TBXAS1: variants seen among roughly 807,000 people sequenced by gnomAD.
TBXAS1 encodes the protein thromboxane-A synthase.
Under a neutral mutation model 60.7 loss-of-function variants are expected in TBXAS1, and 48 were observed. The observed-to-expected ratio is 0.79, with a 90% CI of 0.63 to 1.01. The LOEUF (loss-of-function observed/expected upper bound fraction) is 1.01, where lower values mean the gene tolerates loss of function less well. Among genes scored for constraint, TBXAS1 ranks in the 50% least tolerant of loss-of-function variants. TBXAS1 has a pLI of 0.00. For missense variants in TBXAS1, 685 were observed against 686.3 expected (o/e 1.00, Z 0.02); for synonymous variants, 287 against 269.7 (o/e 1.06, Z -0.63).
At chr7:139,879,452 A>G (rs76797443) in intron 3 of TBXAS1, among the ~76,000 whole-genome samples, 2,317 of 152,314 alleles carry the variant, frequency 0.015, 34 homozygotes, top group African/African-American at 0.033. Flanking sequence ...TTATTGCTTT[A>G]GATAACCTTC....
chr7:139,888,767 T>C (rs1295395192), intron 3 of TBXAS1, among the ~76,000 whole-genome samples: 6 of 152,030 alleles, frequency 3.9e-5, no homozygotes, highest in African/African-American at 1.2e-4. Flanking sequence ...AGAGGCCAAA[T>C]GTGTGCTAGG....
intron 5 of TBXAS1, among the ~76,000 whole-genome samples, chr7:139,951,256 T>G (rs569007009): frequency 1.3e-5 from 2 of 152,318 alleles, no homozygotes; most frequent in East Asian, 3.9e-4. Context: ...CTGCACTGTT[T>G]GTCTTCTAGA....
intron 4 of TBXAS1, among the ~76,000 whole-genome samples, chr7:139,931,936 A>G (rs975988967): frequency 6.6e-6 from 1 of 152,112 alleles, no homozygotes; most frequent in Non-Finnish European, 1.5e-5. Context: ...TCACTTTTGT[A>G]AGATGCGAAA....
chr7:139,848,910 A>C (rs903100439), intron 1 of TBXAS1, among the ~76,000 whole-genome samples: 3 of 152,220 alleles, frequency 2.0e-5, no homozygotes, highest in African/African-American at 7.2e-5. Flanking sequence ...TCATGCTCCA[A>C]GATTACACAG....
intron 5 of TBXAS1, among the ~76,000 whole-genome samples, chr7:139,940,186 T>G (rs17161279): frequency 0.011 from 1,699 of 152,286 alleles, 26 homozygotes; most frequent in African/African-American, 0.037. Context: ...TTTGAGGCTC[T>G]AAGCCATGGT....
chr7:139,954,286 T>C (rs1248704486), intron 6 of TBXAS1, among the ~76,000 whole-genome samples: 1 of 152,242 alleles, frequency 6.6e-6, no homozygotes, highest in Non-Finnish European at 1.5e-5. Context: ...AGTCTTTTCA[T>C]CCACATTGTC....
At chr7:140,012,756 C>T (rs1368642698) in intron 10 of TBXAS1, among the ~76,000 whole-genome samples, 4 of 152,158 alleles carry the variant, frequency 2.6e-5, no homozygotes, top group African/African-American at 9.7e-5. Context: ...ACCACACACC[C>T]GGCCATGACC....
chr7:139,902,399 A>G (rs1804653447), intron 3 of TBXAS1, among the ~76,000 whole-genome samples: 1 of 152,120 alleles, frequency 6.6e-6, no homozygotes, highest in South Asian at 2.1e-4. Flanking sequence ...TTCAGTCACA[A>G]AATTCCCTTG....
Position 140,015,784 on chromosome 7 carries a change from G to C in TBXAS1, c.1288G>C (p.Val430Leu). The stretch of plus-strand genomic sequence containing the variant: ...GGGGCAGCGCATCCCCGCAGGCGCT[G>C]TGCTAGAGATGGCCGTGGGTGCCCT... ...VLGQRIPAGA[V>L]LEMAVGALHH... Residue 430 changes from valine to leucine, a missense_variant, in exon 11 of 13, where the codon GTG becomes CTG. Physicochemically the swap from Val to Leu is conservative, Grantham distance 32. Transcript: ENST00000448866. 3 of 1,613,720 alleles carry C rather than the reference G, an allele frequency of 1.9e-6. No individual in the cohort carries two copies. Among genetic ancestry groups the C allele is most frequent in the Non-Finnish European group, 2.5e-6 (3 of 1,180,042 alleles).
intron 9 of TBXAS1, among the ~76,000 whole-genome samples, chr7:139,964,785 G>T (rs1040266953): frequency 6.6e-6 from 1 of 152,224 alleles, no homozygotes. Context: ...GGCCTGCAGG[G>T]CAGTAGAAGG....
chr7:139,910,826 C>T (rs545359002), intron 3 of TBXAS1, among the ~76,000 whole-genome samples: 18 of 152,222 alleles, frequency 1.2e-4, no homozygotes, highest in East Asian at 5.8e-4. Context: ...CCTATCTTTC[C>T]GTTTTGGGGA....
intron 1 of TBXAS1, among the ~76,000 whole-genome samples, chr7:139,838,547 A>G (rs1799216772): frequency 6.6e-6 from 1 of 152,212 alleles, no homozygotes; most frequent in Non-Finnish European, 1.5e-5. Flanking sequence ...CAGTTGTTGA[A>G]GATGGACTGT....
At chr7:139,874,653 C>G (rs1311532312) in intron 2 of TBXAS1, among the ~76,000 whole-genome samples, 2 of 152,136 alleles carry the variant, frequency 1.3e-5, no homozygotes, top group Non-Finnish European at 2.9e-5. Context: ...CCACCCCATA[C>G]TCCATTCTCA....
At chr7:139,805,400 C>T (rs1797821992) in intron 4 of TBXAS1, among the ~76,000 whole-genome samples, 1 of 152,232 alleles carries the variant, frequency 6.6e-6, no homozygotes, top group Non-Finnish European at 1.5e-5. Flanking sequence ...GCTCCTGGGC[C>T]TGGGGCTCCA....
At chr7:140,001,259 G>A (rs1261763603) in intron 9 of TBXAS1, among the ~76,000 whole-genome samples, 1 of 152,156 alleles carries the variant, frequency 6.6e-6, no homozygotes, top group African/African-American at 2.4e-5. Flanking sequence ...TTATCTTTTG[G>A]AAACATAGAA....
chr7:139,951,122 C>T (rs528048823), intron 5 of TBXAS1, among the ~76,000 whole-genome samples: 5 of 152,242 alleles, frequency 3.3e-5, no homozygotes, highest in East Asian at 3.9e-4. Context: ...TCAGAACACA[C>T]GGCAGGACAA....
intron 6 of TBXAS1, among the ~76,000 whole-genome samples, chr7:139,954,289 AC>A (rs1809662622): frequency 6.6e-6 from 1 of 152,218 alleles, no homozygotes. Flanking sequence ...CTTTTCATCC[AC>A]ATTGTCTCTG....
chr7:139,895,654 G>A (rs1243283068), intron 3 of TBXAS1, among the ~76,000 whole-genome samples: 1 of 152,236 alleles, frequency 6.6e-6, no homozygotes, highest in African/African-American at 2.4e-5. Flanking sequence ...TTCCCAGAAG[G>A]GGGATCTGGA....
intron 9 of TBXAS1, among the ~76,000 whole-genome samples, chr7:139,985,262 C>A (rs8192849): frequency 0.026 from 3,914 of 152,328 alleles, 94 homozygotes; most frequent in East Asian, 0.093. Context: ...GCTTCTGCAG[C>A]TTTTCCTGAT....
Sources: allele counts gnomAD v4.1 joint callset (sites outside exome capture counted in the v4.1 genomes callset), GRCh38; gene constraint gnomAD v4.1.1; transcripts MANE v1.5; gene names NCBI Gene and HGNC (gene_info 2026-07-23, HGNC 2026-07-21).